Variants in MAGI2 observed in about 807,000 individuals in gnomAD.
MAGI2 encodes membrane associated guanylate kinase, WW and PDZ domain containing 2.
A neutral mutation model predicts 133.3 loss-of-function variants in MAGI2; 35 were observed. That is an observed-to-expected ratio of 0.26 (90% CI 0.20 to 0.35). The LOEUF (loss-of-function observed/expected upper bound fraction) is 0.35, where lower values mean the gene tolerates loss of function less well. Ranked by LOEUF, MAGI2 falls within the 10% of genes least tolerant of loss-of-function variation. The pLI is 1.00. For synonymous variants in MAGI2, 729 were observed against 710.6 expected, an observed-to-expected ratio of 1.03 and a Z score of -0.41; for missense variants, 1,636 against 1,863.4, an observed-to-expected ratio of 0.88 and a Z score of 2.25.
In MAGI2 at chr7:78,460,682, G is replaced by A. The variant is rs542153359; in HGVS notation, c.1045+29079C>T. ...GAATACCTAGCCCATTTCTTGGAAC[G>A]CAGGATGTGCAAGGCACTGAGGCCC... On this transcript the variant is annotated intron_variant, in intron 6 of 21. Transcript: ENST00000354212. 1.6e-4 allele frequency among the ~76,000 whole-genome samples: 24 copies of A among 152,276 alleles called. 1 individual carries two copies. In the South Asian group the frequency reaches 4.2e-3, roughly 26 times the overall value.
intron 6 of MAGI2, among the ~76,000 whole-genome samples, chr7:78,369,817 C>T (rs1459776238): frequency 6.6e-6 from 1 of 151,690 alleles, no homozygotes; most frequent in Non-Finnish European, 1.5e-5. Context: ...ATTTTCAATT[C>T]TCCATAGCTA....
intron 9 of MAGI2, among the ~76,000 whole-genome samples, chr7:78,318,198 C>T (rs576761538): frequency 5.7e-4 from 87 of 152,208 alleles, no homozygotes; most frequent in African/African-American, 2.1e-3. Context: ...CATGTTCTAA[C>T]CCAATGCCAG....
intron 2 of MAGI2, among the ~76,000 whole-genome samples, chr7:78,870,359 A>AG (rs1794934881): frequency 6.6e-6 from 1 of 151,646 alleles, no homozygotes; most frequent in Non-Finnish European, 1.5e-5. Context: ...GTCTCAGAAA[A>AG]AAAAAAAAAA....
chr7:78,271,100 G>A (rs1794526464), intron 9 of MAGI2, among the ~76,000 whole-genome samples: 1 of 152,082 alleles, frequency 6.6e-6, no homozygotes, highest in African/African-American at 2.4e-5. Context: ...TATTGGCTGT[G>A]GGTTTGTCAT....
intron 2 of MAGI2, among the ~76,000 whole-genome samples, chr7:78,766,964 C>T (rs752412429): frequency 6.6e-6 from 1 of 151,030 alleles, no homozygotes; most frequent in Non-Finnish European, 1.5e-5. Flanking sequence ...GAAACGCTTA[C>T]GTTGAGAATT....
At chr7:78,455,009 C>T (rs1369655342) in intron 6 of MAGI2, among the ~76,000 whole-genome samples, 2 of 152,056 alleles carry the variant, frequency 1.3e-5, no homozygotes, top group Non-Finnish European at 2.9e-5. Flanking sequence ...ATGCATTTGT[C>T]AAAACCGACA....
chr7:78,385,527 G>A (rs943036964), intron 6 of MAGI2, among the ~76,000 whole-genome samples: 6 of 152,090 alleles, frequency 3.9e-5, no homozygotes, highest in Admixed American at 3.9e-4. Context: ...TTAATCTAAG[G>A]CATCATTGCT....
In MAGI2 at chr7:79,360,664, G is replaced by A. The variant is rs2129122153; in HGVS notation, c.301+92356C>T. Among the ~76,000 whole-genome samples, 2 of 152,172 alleles carry A rather than the reference G, an allele frequency of 1.3e-5. 1 individual carries two copies. Among genetic ancestry groups the A allele is most frequent in the South Asian group, 4.1e-4 (2 of 4,826 alleles). On this transcript the variant is annotated intron_variant, in intron 1 of 21. Coordinates refer to ENST00000354212, the MANE Select transcript of MAGI2 (RefSeq NM_012301.4). ...CAGTAGACTCTTATAAGTCACATAT[G>A]TATATTGTAACACCCAGAGCAGCCA...
chr7:78,472,985 A>T (rs1373313559), intron 6 of MAGI2, among the ~76,000 whole-genome samples: 2 of 152,122 alleles, frequency 1.3e-5, no homozygotes. Flanking sequence ...TTGCAGTTCT[A>T]TCAGCAATTA....
At chr7:78,322,023 C>T (rs980094224) in intron 9 of MAGI2, among the ~76,000 whole-genome samples, 15 of 152,202 alleles carry the variant, frequency 9.9e-5, no homozygotes, top group African/African-American at 3.6e-4. Flanking sequence ...CTCATGATTA[C>T]TGGTCATTAG....
intron 1 of MAGI2, among the ~76,000 whole-genome samples, chr7:79,339,931 G>A (rs1840765123): frequency 1.3e-5 from 2 of 152,030 alleles, no homozygotes; most frequent in South Asian, 4.1e-4. Context: ...TTTAAAAGAT[G>A]CGTTTCGTAT....
intron 2 of MAGI2, among the ~76,000 whole-genome samples, chr7:78,779,028 T>G (rs1206891088): frequency 6.7e-6 from 1 of 149,878 alleles, no homozygotes; most frequent in African/African-American, 2.4e-5. Flanking sequence ...TTCCTCAGCC[T>G]CCCGAGTAGT....
chr7:78,924,768 C>T (rs573772011), intron 2 of MAGI2, among the ~76,000 whole-genome samples: 1 of 151,958 alleles, frequency 6.6e-6, no homozygotes, highest in East Asian at 1.9e-4. Flanking sequence ...AGGAAAAGCC[C>T]AGTCGTCTTC....
chr7:78,946,926 C>T (rs1315999853), intron 2 of MAGI2: 1 of 152,088 alleles, frequency 6.6e-6, no homozygotes, highest in Non-Finnish European at 1.5e-5. Flanking sequence ...AACACATCGT[C>T]CAGATTTTCC....
chr7:79,035,999 A>T (rs1306072514), intron 1 of MAGI2, among the ~76,000 whole-genome samples: 4 of 152,232 alleles, frequency 2.6e-5, no homozygotes, highest in African/African-American at 9.6e-5. Context: ...TGACATTGAT[A>T]ACATACAGAT....
At chr7:78,372,068 G>A (rs546447227) in intron 6 of MAGI2, among the ~76,000 whole-genome samples, 96 of 152,188 alleles carry the variant, frequency 6.3e-4, no homozygotes, top group African/African-American at 2.2e-3. Context: ...AAAGTTGTAT[G>A]TATATGTATA....
At chr7:78,955,051 G>A (rs1802179905) in intron 2 of MAGI2, among the ~76,000 whole-genome samples, 1 of 151,940 alleles carries the variant, frequency 6.6e-6, no homozygotes, top group Non-Finnish European at 1.5e-5. Flanking sequence ...TGGCACAAAT[G>A]TACAATAGCT....
At chr7:79,289,011 G>C (rs576275811) in intron 1 of MAGI2, among the ~76,000 whole-genome samples, 22 of 152,212 alleles carry the variant, frequency 1.4e-4, no homozygotes, top group African/African-American at 5.1e-4. Flanking sequence ...ACTGAAACTG[G>C]AATCAAATTT....
chr7:79,227,084 A>G (rs1322699559), intron 1 of MAGI2, among the ~76,000 whole-genome samples: 1 of 152,222 alleles, frequency 6.6e-6, no homozygotes, highest in Non-Finnish European at 1.5e-5. Context: ...TAGGTTAAAC[A>G]TCCAATTTCA....
Sources: allele counts gnomAD v4.1 joint callset (sites outside exome capture counted in the v4.1 genomes callset), GRCh38; gene constraint gnomAD v4.1.1; transcripts MANE v1.5; gene names NCBI Gene and HGNC (gene_info 2026-07-23, HGNC 2026-07-21).